SFXN5: variants seen among roughly 807,000 people sequenced by gnomAD.
SFXN5 encodes the protein sideroflexin-5.
In SFXN5, 43 loss-of-function variants were observed where a neutral mutation model predicts 50.2. The observed-to-expected ratio is 0.86, with a 90% CI of 0.67 to 1.11. The LOEUF is 1.11. Among genes scored for constraint, SFXN5 ranks in the 50% least tolerant of loss-of-function variants. The pLI, the probability that SFXN5 is intolerant of heterozygous loss-of-function variation, is 0.00. For missense variants in SFXN5, 463 were observed against 454.1 expected, an observed-to-expected ratio of 1.02 and a Z score of -0.18; for synonymous variants, 203 against 185.8, an observed-to-expected ratio of 1.09 and a Z score of -0.75.
At chr2:73,023,574 A>T (rs1351797623) in intron 3 of SFXN5, among the ~76,000 whole-genome samples, 1 of 152,210 alleles carries the variant, frequency 6.6e-6, no homozygotes, top group Admixed American at 6.5e-5. Context: ...AATTTAAATG[A>T]AGATACTTCA....
chr2:73,026,762 C>T (rs1452952944), intron 3 of SFXN5, among the ~76,000 whole-genome samples: 2 of 151,804 alleles, frequency 1.3e-5, no homozygotes, highest in African/African-American at 4.8e-5. Context: ...GAGTTTCACT[C>T]TTGTTGCCCA....
In SFXN5 at chr2:73,001,520, G is replaced by C. The variant is rs746636787; in HGVS notation, c.411+5C>G. On this transcript the variant is annotated splice_donor_5th_base_variant and intron_variant, in intron 7 of 13. Transcript: ENST00000272433. ...CAGGAGCCCTGTTTGCTGCGAGACTGTTACCTGCCAGAAGACAGTGGATGC... is the reference window on the plus strand; with the variant it reads ...CAGGAGCCCTGTTTGCTGCGAGACTCTTACCTGCCAGAAGACAGTGGATGC... The C allele has an allele frequency of 6.2e-7, 1 of 1,614,160 alleles. No homozygotes were observed. The highest frequency in any genetic ancestry group is 8.5e-7 in the Non-Finnish European group (1 of 1,180,006).
rs114487607 is a variant in SFXN5 at position 73,046,034 on chromosome 2, G to A, written c.172-5103C>T. Reference sequence around the variant, plus strand: ...AGCCTATCCCTTCAGAAAAGAAACCGATCCACTTATCCCAAGAACTTTAAG... The same window carrying A: ...AGCCTATCCCTTCAGAAAAGAAACCAATCCACTTATCCCAAGAACTTTAAG... On this transcript the variant is annotated intron_variant, in intron 2 of 13. Coordinates refer to ENST00000272433, the MANE Select transcript of SFXN5 (RefSeq NM_144579.3). Among the ~76,000 whole-genome samples, 559 of 139,760 alleles carry A rather than the reference G, an allele frequency of 4.0e-3. 4 individuals are homozygous for A. The highest frequency in any genetic ancestry group is 0.017 in the African/African-American group (542 of 32,654). The allele number at this position is 139,760 out of a possible 152,430, so 91.7% of individuals were successfully genotyped here.
chr2:72,945,136 G>A lies in SFXN5; in HGVS notation c.946-37C>T. 1 of 1,590,418 alleles carries A rather than the reference G, an allele frequency of 6.3e-7. No individual in the cohort carries two copies. The highest frequency in any genetic ancestry group is 8.6e-7 in the Non-Finnish European group (1 of 1,160,648). ...GAACAGAGAGGAAAAGTGGGGGAGT[G>A]GGAAGGGGCAAATAGTGGGGCTGGG... On this transcript the variant is annotated intron_variant, in intron 13 of 13. Coordinates refer to ENST00000272433, the MANE Select transcript of SFXN5 (RefSeq NM_144579.3). This position sits in a 1 kb window ranked among gnomAD's most constrained non-coding sequence, Gnocchi z 5.8.
intron 3 of SFXN5, among the ~76,000 whole-genome samples, chr2:73,027,873 G>A (rs1481743154): frequency 6.6e-6 from 1 of 151,838 alleles, no homozygotes; most frequent in Non-Finnish European, 1.5e-5. Flanking sequence ...TGTTGCCCAG[G>A]CTGGTCTCCA....
intron 8 of SFXN5, 121 bp from the exon 9 acceptor site, chr2:72,999,135 G>T: frequency 1.0e-6 from 1 of 1,001,402 alleles, no homozygotes; most frequent in South Asian, 1.4e-5. Context: ...TGGGTAGAAG[G>T]AAGAGGCCCC....
intron 13 of SFXN5, among the ~76,000 whole-genome samples, chr2:72,957,802 C>T (rs1673276730): frequency 1.3e-5 from 2 of 152,232 alleles, no homozygotes; most frequent in South Asian, 4.1e-4. Flanking sequence ...CAAAACACCC[C>T]ATAATGCCCA....
intron 2 of SFXN5, among the ~76,000 whole-genome samples, chr2:73,047,329 GTGTATATATATGTACATATATA>G (rs1432583597): frequency 3.1e-5 from 3 of 97,468 alleles, no homozygotes; most frequent in East Asian, 3.3e-4. Context: ...GTATATATAT[GTGTATATATATGTACATATATA>G]TGTGTATATA....
intron 1 of SFXN5, among the ~76,000 whole-genome samples, chr2:73,067,687 G>C (rs914909489): frequency 2.0e-5 from 3 of 152,198 alleles, no homozygotes; most frequent in Admixed American, 6.5e-5. Flanking sequence ...ATTGGGTTGT[G>C]GGGGGTGGGT....
At chr2:72,972,604 C>T (rs1670138810) in intron 10 of SFXN5, among the ~76,000 whole-genome samples, 1 of 152,050 alleles carries the variant, frequency 6.6e-6, no homozygotes, top group South Asian at 2.1e-4. Context: ...GGCCAGGCCC[C>T]GTGGCCCAGT....
At chr2:73,057,952 T>C (rs1355877725) in intron 2 of SFXN5, 1 of 152,178 alleles carries the variant, frequency 6.6e-6, no homozygotes, top group African/African-American at 2.4e-5. Flanking sequence ...TTTTTATTAA[T>C]TACCCAGTCT....
chr2:73,071,510 TG>T, intron 1 of SFXN5, 93 bp downstream of exon 1: 2 of 1,176,120 alleles, frequency 1.7e-6, no homozygotes, highest in Non-Finnish European at 2.4e-6. Flanking sequence ...TGGCCGCGGG[TG>T]GGAGACCCTT....
At chr2:73,064,292 A>G (rs948034668) in intron 1 of SFXN5, among the ~76,000 whole-genome samples, 4 of 152,278 alleles carry the variant, frequency 2.6e-5, no homozygotes, top group African/African-American at 9.6e-5. Context: ...CCAGCCCAGT[A>G]GTCCTGAATC....
chr2:72,949,209 G>C (rs1169243065), intron 13 of SFXN5, among the ~76,000 whole-genome samples: 1 of 152,202 alleles, frequency 6.6e-6, no homozygotes, highest in Non-Finnish European at 1.5e-5. Context: ...GGAAATGGAG[G>C]TGTGGCTGGG....
At chr2:72,947,358 T>C (rs1672067975) in intron 13 of SFXN5, among the ~76,000 whole-genome samples, 1 of 152,228 alleles carries the variant, frequency 6.6e-6, no homozygotes. Flanking sequence ...TTGGGCTTTA[T>C]CTCCAGGGAC....
At chr2:73,004,990 AG>A (rs1433274621) in intron 6 of SFXN5, among the ~76,000 whole-genome samples, 1 of 152,198 alleles carries the variant, frequency 6.6e-6, no homozygotes, top group African/African-American at 2.4e-5. Flanking sequence ...GGCAGGGGAA[AG>A]GAAGAAAGAG....
intron 13 of SFXN5, among the ~76,000 whole-genome samples, chr2:72,952,401 G>A (rs1007338256): frequency 2.0e-5 from 3 of 152,150 alleles, no homozygotes; most frequent in Non-Finnish European, 4.4e-5. Context: ...CTAAACAGGG[G>A]TGACTACAGT....
At chr2:72,977,674 GTGT>G (rs1670785898) in intron 10 of SFXN5, among the ~76,000 whole-genome samples, 1 of 152,078 alleles carries the variant, frequency 6.6e-6, no homozygotes, top group Non-Finnish European at 1.5e-5. Context: ...TATACATTTT[GTGT>G]TGTTAAGAAA....
intron 10 of SFXN5, among the ~76,000 whole-genome samples, chr2:72,979,067 C>T (rs1670982000): frequency 6.6e-6 from 1 of 152,146 alleles, no homozygotes; most frequent in Non-Finnish European, 1.5e-5. Context: ...AATTTCAAAA[C>T]CACAATGAAA....
Sources: gnomAD v4.1 joint callset for allele counts (sites outside exome capture counted in the v4.1 genomes callset) on GRCh38, gnomAD v4.1.1 for gene constraint, Gnocchi (gnomAD v3.1) non-coding constraint, MANE v1.5 for transcripts, NCBI Gene and HGNC (gene_info 2026-07-23, HGNC 2026-07-21) for gene names.